Variants in TMEM69 observed in about 807,000 individuals in gnomAD.
TMEM69 encodes the protein chromosome 1 open reading frame 154.
In TMEM69, 17 loss-of-function variants were observed where a neutral mutation model predicts 15.8. The observed-to-expected ratio is 1.07, with a 90% confidence interval of 0.73 to 1.61. The LOEUF (loss-of-function observed/expected upper bound fraction) is 1.61. Among genes scored for constraint, TMEM69 ranks in the 40% most tolerant of loss-of-function variants. The pLI, the probability that TMEM69 is intolerant of heterozygous loss-of-function variation, is 0.00. For synonymous variants in TMEM69, 80 were observed against 98.6 expected (o/e 0.81, Z 1.12); for missense variants, 230 against 286.1 (o/e 0.80, Z 1.41).
intron 2 of TMEM69, among the ~76,000 whole-genome samples, chr1:45,692,903 T>G (rs2148540500): frequency 6.6e-6 from 1 of 152,340 alleles, no homozygotes; most frequent in Non-Finnish European, 1.5e-5. Context: ...CTTTACCTGC[T>G]CCTCTTTCAG....
Position 45,693,361 on chromosome 1 carries a change from C to A in TMEM69, c.200C>A (p.Ser67Tyr), listed in dbSNP as rs1645358324. 1 of 1,614,024 alleles carries A rather than the reference C, an allele frequency of 6.2e-7. No individual in the cohort carries two copies. Among genetic ancestry groups the A allele is most frequent in the African/African-American group, 1.3e-5 (1 of 74,900 alleles). The stretch of plus-strand genomic sequence containing the variant: ...AGCAAGACACAGTGCTATCATACAT[C>A]CCCCTGCAGCTTTAAAAAGCAGCAG... ...YMSKTQCYHT[S>Y]PCSFKKQQKQ... Residue 67 changes from serine to tyrosine, a missense_variant, in exon 3 of 3, where the codon TCC (serine) becomes TAC (tyrosine). Ser to Tyr is a moderately radical substitution (Grantham distance 144). Coordinates refer to ENST00000372025, the MANE Select transcript of TMEM69 (RefSeq NM_016486.4).
rs953600977 is a variant in TMEM69 at position 45,693,523 on chromosome 1, A to G, written c.362A>G (p.Tyr121Cys). The G allele has an allele frequency of 1.2e-5, 19 of 1,614,090 alleles. No homozygotes were observed. The highest frequency in any genetic ancestry group is 1.6e-4 in the Middle Eastern group (1 of 6,084). ...CTGGTCATGCTGATGACAAAAACTT[A>G]TATTCCCATATTAGCTTTTACTCAG... Reference protein sequence around the residue: ...PPLVMLMTKTYIPILAFTQMA... With the variant: ...PPLVMLMTKTCIPILAFTQMA... The change falls in exon 3 of 3, where the codon TAT becomes TGT. Residue 121 changes from tyrosine (Y) to cysteine (C), a missense_variant. By Grantham distance (194) the Tyr-to-Cys change is radical. Transcript: ENST00000372025.
chr1:45,691,249 T>C (rs1645343056), intron 2 of TMEM69, 139 bp downstream of exon 2: 1 of 774,778 alleles, frequency 1.3e-6, no homozygotes, highest in South Asian at 1.6e-5. Context: ...TACAAGTAAG[T>C]AAAATGTTTA....
chr1:45,694,087 C>A lies in TMEM69; in HGVS notation c.*182C>A, dbSNP rs923838315. ...CCTTGTGTGTGATCTTTTCTGTCTT[C>A]CCCAAGTTTGCATTTTCGACATTAA... On this transcript the variant is annotated 3_prime_UTR_variant, in exon 3 of 3. Coordinates refer to ENST00000372025, the MANE Select transcript of TMEM69 (RefSeq NM_016486.4). 6.7e-6 allele frequency: 3 copies of A among 445,162 alleles called. No homozygotes were observed. The highest frequency in any genetic ancestry group is 4.1e-5 in the African/African-American group (2 of 49,374). The allele number at this position is 445,162 out of a possible 1,614,324, so 27.6% of individuals were successfully genotyped here.
At chr1:45,690,907 A>C in intron 1 of TMEM69, 67 bp from the exon 2 acceptor site, 1 of 691,718 alleles carries the variant, frequency 1.4e-6, no homozygotes. Context: ...ATATTCATGA[A>C]TTACTACTAT....
intron 2 of TMEM69, 26 bp from the exon 3 acceptor site, chr1:45,693,178 G>T: frequency 6.7e-7 from 1 of 1,492,734 alleles, no homozygotes; most frequent in Non-Finnish European, 9.1e-7. Flanking sequence ...TTTTAATTTT[G>T]TCTTTTGGTT....
chr1:45,688,858 C>G (rs1310474184), intron 1 of TMEM69, among the ~76,000 whole-genome samples: 1 of 151,486 alleles, frequency 6.6e-6, no homozygotes, highest in Non-Finnish European at 1.5e-5. Context: ...TACAGGATTT[C>G]TTGACCCAGC....
chr1:45,689,270 TAAG>T lies in TMEM69; in HGVS notation c.-96+998_-96+1000del, dbSNP rs1645327157. Among the ~76,000 whole-genome samples, 3 of 152,264 alleles carry T rather than the reference TAAG, an allele frequency of 2.0e-5. No homozygotes were observed. The South Asian group carries it at 6.2e-4, about 32-fold the overall frequency. On this transcript the variant is annotated intron_variant, in intron 1 of 2. Coordinates refer to ENST00000372025, the MANE Select transcript of TMEM69 (RefSeq NM_016486.4). ...TTTTTAGACATCCCATTCTCTTGGT[TAAG>T]AATGAAATTGTCAGATCTAGATCCA...
At chr1:45,690,094 C>T (rs961646524) in intron 1 of TMEM69, among the ~76,000 whole-genome samples, 1 of 152,176 alleles carries the variant, frequency 6.6e-6, no homozygotes, top group Admixed American at 6.5e-5. Flanking sequence ...TTCAAAGACA[C>T]ACAGCTAATA....
rs764720729 is a variant in TMEM69, at chr1:45,694,280, A to G, written c.*375A>G. 1.1e-5 allele frequency: 7 copies of G among 614,396 alleles called. No homozygotes were observed. Among genetic ancestry groups the G allele is most frequent in the Middle Eastern group, 8.7e-4 (2 of 2,286 alleles). 38.1% of individuals were successfully genotyped at this position (614,396 alleles called of 1,614,324 possible). On this transcript the variant is annotated 3_prime_UTR_variant, in exon 3 of 3. Transcript: ENST00000372025. ...CTTCATTTCTAGAAATTGTTACTTC[A>G]TGGTAATTACTTGAGCAAAAGCTTG...
chr1:45,691,854 TA>T (rs549189828), intron 2 of TMEM69, among the ~76,000 whole-genome samples: 1 of 129,120 alleles, frequency 7.7e-6, no homozygotes, highest in Non-Finnish European at 1.7e-5. Flanking sequence ...AAGTAAAAAT[TA>T]AAAAAAATAA....
rs949063536 is a variant in TMEM69 at position 45,693,292 on chromosome 1, C to T, written c.131C>T (p.Pro44Leu). The T allele has an allele frequency of 6.2e-7, 1 of 1,614,042 alleles. No homozygotes were observed. Among genetic ancestry groups the T allele is most frequent in the Non-Finnish European group, 8.5e-7 (1 of 1,180,040 alleles). Residue 44 changes from proline to leucine, a missense_variant, in exon 3 of 3, where the codon CCA becomes CTA. Physicochemically the swap from Pro to Leu is moderately conservative, Grantham distance 98 (BLOSUM62 -3). Transcript: ENST00000372025. ...ATGTCTCTCCAGCAAAACTTTTCCC[C>T]ATGTCCAAGGCCTTGGCTTTCCTCA... is the stretch of plus-strand genomic sequence containing the variant. ...LKMSLQQNFS[P>L]CPRPWLSSSF... is the part of the protein sequence containing the mutation.
intron 2 of TMEM69, 104 bp from the exon 3 acceptor site, chr1:45,693,100 G>C: frequency 1.3e-6 from 1 of 785,250 alleles, no homozygotes; most frequent in Non-Finnish European, 2.0e-6. Context: ...TTTTTTGTTT[G>C]CTCCTTTCAA....
In TMEM69 at chr1:45,693,408, C is replaced by A. The variant is rs370701403; in HGVS notation, c.247C>A (p.Pro83Thr). ...KQQKQALLAR[P>T]SSTITYLTDS... ...GCAGAAGCAAGCACTTCTAGCCAGA[C>A]CCTCAAGCACCATCACTTACCTAAC... is the stretch of plus-strand genomic sequence containing the variant. Residue 83 changes from proline to threonine, a missense_variant, in exon 3 of 3, where the codon CCC (proline) becomes ACC (threonine). Physicochemically the swap from Pro to Thr is conservative, Grantham distance 38. Transcript: ENST00000372025. 8 of 1,614,088 alleles carry A rather than the reference C, an allele frequency of 5.0e-6. No homozygotes were observed. Among genetic ancestry groups the A allele is most frequent in the Non-Finnish European group, 6.8e-6 (8 of 1,180,044 alleles).
At chr1:45,689,721 C>A (rs1299472595) in intron 1 of TMEM69, among the ~76,000 whole-genome samples, 1 of 152,134 alleles carries the variant, frequency 6.6e-6, no homozygotes, top group Non-Finnish European at 1.5e-5. Flanking sequence ...GCCTGTAGTC[C>A]CAGCTACTCA....
intron 1 of TMEM69, among the ~76,000 whole-genome samples, chr1:45,688,808 A>G (rs1347354849): frequency 6.6e-6 from 1 of 151,908 alleles, no homozygotes; most frequent in African/African-American, 2.4e-5. Context: ...TTACCTCCCT[A>G]CTTGCTTCCT....
rs1321855312 is a variant in TMEM69, at chr1:45,693,911, A to G, written c.*6A>G. 1 of 1,568,390 alleles carries G rather than the reference A, an allele frequency of 6.4e-7. No homozygotes were observed. The highest frequency in any genetic ancestry group is 1.2e-5 in the South Asian group (1 of 86,278). On this transcript the variant is annotated 3_prime_UTR_variant, in exon 3 of 3. Coordinates refer to ENST00000372025, the MANE Select transcript of TMEM69 (RefSeq NM_016486.4). ...AGAGACCTGGTCAAGTATAAAAAATATAAAAGTCTGGGAAGTGAGGAGCAC... is the reference window on the plus strand; with the variant it reads ...AGAGACCTGGTCAAGTATAAAAAATGTAAAAGTCTGGGAAGTGAGGAGCAC...
rs1413874405 is a variant in TMEM69 at position 45,691,806 on chromosome 1, A to C, written c.42+696A>C. Among the ~76,000 whole-genome samples, 3 of 152,306 alleles carry C rather than the reference A, an allele frequency of 2.0e-5. No individual in the cohort carries two copies. In the East Asian group the frequency reaches 5.8e-4, roughly 29 times the overall value. Reference sequence around the variant, plus strand: ...CAGTGAGCCGAGATTGTGCCACTGCACTCTGGCTTGGGTGACAGAGGAATA... The same window carrying C: ...CAGTGAGCCGAGATTGTGCCACTGCCCTCTGGCTTGGGTGACAGAGGAATA... On this transcript the variant is annotated intron_variant, in intron 2 of 2. Transcript: ENST00000372025.
chr1:45,693,490 C>T lies in TMEM69; in HGVS notation c.329C>T (p.Ala110Val), dbSNP rs201508155. ...VTLAGLIPFV[A>V]PPLVMLMTKT... ...CTGGCAGGACTAATCCCCTTCGTTGCTCCACCACTGGTCATGCTGATGACA... is the reference window on the plus strand; with the variant it reads ...CTGGCAGGACTAATCCCCTTCGTTGTTCCACCACTGGTCATGCTGATGACA... The change falls in exon 3 of 3, where the codon GCT (alanine) becomes GTT (valine). Residue 110 changes from alanine (A) to valine (V), a missense_variant. Transcript: ENST00000372025. The T allele has an allele frequency of 7.4e-6, 12 of 1,614,074 alleles. No individual in the cohort carries two copies. Among genetic ancestry groups the T allele is most frequent in the Admixed American group, 1.7e-5 (1 of 59,990 alleles).
Sources: allele counts gnomAD v4.1 joint callset (sites outside exome capture counted in the v4.1 genomes callset), GRCh38; gene constraint gnomAD v4.1.1; transcripts MANE v1.5; gene names NCBI Gene and HGNC (gene_info 2026-07-23, HGNC 2026-07-21).